AGBL4: variants seen among roughly 807,000 people sequenced by gnomAD.
AGBL4 encodes AGBL carboxypeptidase 4.
In AGBL4, 58 loss-of-function variants were observed where a neutral mutation model predicts 66.4. The observed-to-expected ratio is 0.87, with a 90% CI of 0.71 to 1.09. The LOEUF is 1.09. AGBL4 is among the 50% of genes least tolerant of loss of function. The pLI, the probability that AGBL4 is intolerant of heterozygous loss-of-function variation, is 0.00. For missense variants in AGBL4, 579 were observed against 631.0 expected (o/e 0.92, Z 0.88); for synonymous variants, 234 against 222.9 (o/e 1.05, Z -0.44).
chr1:49,075,289 G>A (rs780978989), intron 4 of AGBL4, among the ~76,000 whole-genome samples: 1 of 152,142 alleles, frequency 6.6e-6, no homozygotes, highest in Non-Finnish European at 1.5e-5. Context: ...TTTGAAGTAA[G>A]ATTAGTAGAA....
chr1:49,179,564 A>G (rs568997653), intron 4 of AGBL4, among the ~76,000 whole-genome samples: 4 of 152,038 alleles, frequency 2.6e-5, no homozygotes, highest in African/African-American at 9.6e-5. Flanking sequence ...CAGAGGACAA[A>G]AGGAGCAATA....
At chr1:49,426,911 G>C (rs1645672458) in intron 3 of AGBL4, among the ~76,000 whole-genome samples, 1 of 152,120 alleles carries the variant, frequency 6.6e-6, no homozygotes, top group South Asian at 2.1e-4. Context: ...ATGGCCCTAA[G>C]TTTTCTCTGT....
chr1:49,269,398 A>G (rs1359569268), intron 3 of AGBL4: 1 of 152,362 alleles, frequency 6.6e-6, no homozygotes, highest in African/African-American at 2.4e-5. Context: ...AAGAGCCAAC[A>G]AATAGAAATA....
intron 2 of AGBL4, among the ~76,000 whole-genome samples, chr1:49,805,744 A>G (rs547854157): frequency 1.6e-4 from 25 of 152,300 alleles, no homozygotes; most frequent in Non-Finnish European, 2.8e-4. Flanking sequence ...CATAGATAAG[A>G]TAAGTACCCT....
At chr1:48,790,569 C>G (rs1301576231) in intron 6 of AGBL4, among the ~76,000 whole-genome samples, 15 of 152,058 alleles carry the variant, frequency 9.9e-5, no homozygotes, top group Non-Finnish European at 1.9e-4. Context: ...AAACTGAGGC[C>G]AGAAGGATGA....
At chr1:49,427,301 G>A (rs1002297339) in intron 3 of AGBL4, among the ~76,000 whole-genome samples, 5 of 152,128 alleles carry the variant, frequency 3.3e-5, no homozygotes, top group East Asian at 1.9e-4. Context: ...GCTAGGACCC[G>A]AGAGAGTTGA....
intron 3 of AGBL4, among the ~76,000 whole-genome samples, chr1:49,627,607 C>T (rs1645489257): frequency 6.6e-6 from 1 of 152,106 alleles, no homozygotes; most frequent in South Asian, 2.1e-4. Context: ...ACTTATAGTC[C>T]CTGGCTGATA....
intron 4 of AGBL4, among the ~76,000 whole-genome samples, chr1:49,095,137 G>A (rs1017517222): frequency 1.8e-4 from 27 of 152,226 alleles, no homozygotes; most frequent in African/African-American, 5.3e-4. Flanking sequence ...GGGATGTGAA[G>A]GACCTCTTTA....
chr1:48,939,743 G>A (rs1353269624), intron 5 of AGBL4, among the ~76,000 whole-genome samples: 1 of 152,182 alleles, frequency 6.6e-6, no homozygotes, highest in East Asian at 1.9e-4. Context: ...CTGCCCTTCA[G>A]GTTTGCTCTC....
intron 5 of AGBL4, among the ~76,000 whole-genome samples, chr1:49,036,005 A>G (rs1472518856): frequency 1.3e-5 from 2 of 151,962 alleles, no homozygotes; most frequent in African/African-American, 2.4e-5. Flanking sequence ...AAAACTAACT[A>G]TTGGATACTA....
intron 3 of AGBL4, among the ~76,000 whole-genome samples, chr1:49,567,429 G>A (rs993606743): frequency 6.6e-6 from 1 of 151,960 alleles, no homozygotes; most frequent in South Asian, 2.1e-4. Context: ...GTTCCTATTC[G>A]GCCATCTTGG....
At chr1:49,259,368 G>C (rs1387700749) in intron 3 of AGBL4, among the ~76,000 whole-genome samples, 9 of 152,084 alleles carry the variant, frequency 5.9e-5, no homozygotes, top group Non-Finnish European at 1.3e-4. Flanking sequence ...TGGCAAATTG[G>C]ATAAAGAGTC....
At chr1:49,694,278 C>T (rs10888666) in intron 3 of AGBL4, among the ~76,000 whole-genome samples, 78,605 of 151,836 alleles carry the variant, frequency 0.52, 21,647 homozygotes, top group Non-Finnish European at 0.62. Flanking sequence ...TAAAAACAGA[C>T]CTCACAAGTC....
chr1:48,878,092 A>G (rs1403062045), intron 5 of AGBL4, among the ~76,000 whole-genome samples: 2 of 152,230 alleles, frequency 1.3e-5, no homozygotes, highest in Non-Finnish European at 2.9e-5. Flanking sequence ...AAAACATTAA[A>G]GGATGAAAGC....
chr1:50,004,701 AAG>A (rs1278255260), intron 1 of AGBL4, among the ~76,000 whole-genome samples: 1 of 152,104 alleles, frequency 6.6e-6, no homozygotes, highest in Admixed American at 6.5e-5. Flanking sequence ...AAAGGAAGGG[AAG>A]AGTCTTAGCA....
At chr1:49,098,727 A>C (rs1645151075) in intron 4 of AGBL4, among the ~76,000 whole-genome samples, 1 of 152,148 alleles carries the variant, frequency 6.6e-6, no homozygotes, top group African/African-American at 2.4e-5. Flanking sequence ...GAAAATCTGG[A>C]CTATTAAGAA....
At chr1:48,980,525 C>T (rs1410980811) in intron 5 of AGBL4, among the ~76,000 whole-genome samples, 2 of 151,564 alleles carry the variant, frequency 1.3e-5, no homozygotes, top group African/African-American at 4.9e-5. Context: ...AACTAAAACA[C>T]ACATTTTTAA....
At chr1:49,352,267 G>C (rs1643925000) in intron 3 of AGBL4, among the ~76,000 whole-genome samples, 2 of 151,736 alleles carry the variant, frequency 1.3e-5, no homozygotes, top group South Asian at 4.2e-4. Context: ...AGAGTGTGGG[G>C]ACTAACACAT....
At chr1:48,552,137 C>G (rs1003562585) in intron 11 of AGBL4, among the ~76,000 whole-genome samples, 2 of 152,114 alleles carry the variant, frequency 1.3e-5, no homozygotes, top group South Asian at 4.2e-4. Context: ...GATCTCAGCT[C>G]ACTGCAACCT....
Sources: allele counts gnomAD v4.1 joint callset (sites outside exome capture counted in the v4.1 genomes callset), GRCh38; gene constraint gnomAD v4.1.1; transcripts MANE v1.5; gene names NCBI Gene and HGNC (gene_info 2026-07-23, HGNC 2026-07-21).